The following COL23A1 variants were observed in gnomAD, a reference collection of about 807,000 sequenced individuals.
COL23A1 encodes collagen alpha-1(XXIII) chain.
In COL23A1, 97 loss-of-function variants were observed where a neutral mutation model predicts 99.3. That is an observed-to-expected ratio of 0.98 (90% CI 0.83 to 1.16). The LOEUF (loss-of-function observed/expected upper bound fraction) is 1.16, where lower values mean the gene tolerates loss of function less well. COL23A1 is among the 50% of genes most tolerant of loss of function. COL23A1 has a pLI of 0.00. For missense variants in COL23A1, 762 were observed against 757.4 expected (o/e 1.01, Z -0.07); for synonymous variants, 320 against 308.2 (o/e 1.04, Z -0.40).
chr5:178,534,923 T>C (rs1226977814), intron 2 of COL23A1, among the ~76,000 whole-genome samples: 1 of 152,134 alleles, frequency 6.6e-6, no homozygotes, highest in Admixed American at 6.5e-5. Context: ...AAAGAGGTTA[T>C]TACACATAAT....
intron 2 of COL23A1, among the ~76,000 whole-genome samples, chr5:178,495,583 A>G (rs1285177956): frequency 1.3e-5 from 2 of 152,118 alleles, no homozygotes; most frequent in East Asian, 3.9e-4. Context: ...TGCATGGAAA[A>G]CAGACTGGGA....
At chr5:178,518,612 TCAGACGATGGG>T (rs1759736400) in intron 2 of COL23A1, among the ~76,000 whole-genome samples, 3 of 106,698 alleles carry the variant, frequency 2.8e-5, no homozygotes, top group Admixed American at 9.8e-5. Flanking sequence ...TCCTCACATC[TCAGACGATGGG>T]CGGCCGGGCA....
intron 2 of COL23A1, among the ~76,000 whole-genome samples, chr5:178,484,899 T>C (rs1464217814): frequency 2.6e-5 from 4 of 151,568 alleles, no homozygotes; most frequent in Admixed American, 2.6e-4. Flanking sequence ...AAAGCCCATA[T>C]TTGTAAAGAG....
intron 2 of COL23A1, among the ~76,000 whole-genome samples, chr5:178,362,221 T>C (rs2127704952): frequency 6.6e-6 from 1 of 152,248 alleles, no homozygotes; most frequent in South Asian, 2.1e-4. Flanking sequence ...AGACACACCA[T>C]TCCCATTTCC....
chr5:178,263,359 G>T (rs1489272576), intron 8 of COL23A1, 35 bp from the exon 9 acceptor site: 3 of 1,350,704 alleles, frequency 2.2e-6, no homozygotes, highest in South Asian at 1.3e-5. Flanking sequence ...ACTCTGAGGG[G>T]GAGGGGGTCC....
At chr5:178,421,405 T>C (rs887550829) in intron 2 of COL23A1, among the ~76,000 whole-genome samples, 3 of 151,968 alleles carry the variant, frequency 2.0e-5, no homozygotes, top group African/African-American at 7.3e-5. Context: ...AAGGTGGGAG[T>C]AATTATATCT....
At chr5:178,454,396 C>T (rs376894989) in intron 2 of COL23A1, among the ~76,000 whole-genome samples, 26 of 152,248 alleles carry the variant, frequency 1.7e-4, no homozygotes, top group African/African-American at 5.3e-4. Context: ...CTGCAGGCTG[C>T]GTGCTGTCAG....
chr5:178,489,057 G>A (rs1757789269), intron 2 of COL23A1, among the ~76,000 whole-genome samples: 1 of 152,232 alleles, frequency 6.6e-6, no homozygotes, highest in Admixed American at 6.5e-5. Flanking sequence ...CTGTCGACCT[G>A]ACTGGATGGA....
intron 2 of COL23A1, among the ~76,000 whole-genome samples, chr5:178,495,480 C>T (rs1448928428): frequency 1.2e-4 from 18 of 152,132 alleles, no homozygotes. Context: ...AATGTAAGAA[C>T]ATTTAAACTT....
chr5:178,436,022 G>A (rs2127828103), intron 2 of COL23A1, among the ~76,000 whole-genome samples: 1 of 152,340 alleles, frequency 6.6e-6, no homozygotes, highest in Non-Finnish European at 1.5e-5. Context: ...TGCACAGCAA[G>A]CATGCTTAAT....
chr5:178,333,034 T>C (rs1376962912), intron 2 of COL23A1, among the ~76,000 whole-genome samples: 1 of 152,192 alleles, frequency 6.6e-6, no homozygotes, highest in South Asian at 2.1e-4. Flanking sequence ...CTTGGCTCAC[T>C]GTAACCTCCA....
rs773290744 is a variant in COL23A1, at chr5:178,263,171, C to T, written c.639+37G>A. On this transcript the variant is annotated intron_variant, in intron 9 of 28. Coordinates refer to ENST00000390654, the MANE Select transcript of COL23A1 (RefSeq NM_173465.4). ...TGGAATCAGGATTTGGGGTTTTGGT[C>T]AAGTCCTGCGTGGCCCAACTCCATG... is the stretch of plus-strand genomic sequence containing the variant. 7 of 1,487,652 alleles carry T rather than the reference C, an allele frequency of 4.7e-6. No individual in the cohort carries two copies. The African/African-American group carries it at 6.9e-5, about 15-fold the overall frequency. The allele number at this position is 1,487,652 out of a possible 1,614,324, so 92.2% of individuals were successfully genotyped here. A position where few individuals can be genotyped will look rare whatever the true frequency, so the allele number is the denominator to read the frequency against.
At chr5:178,359,608 TTAAA>T (rs1762069814) in intron 2 of COL23A1, among the ~76,000 whole-genome samples, 1 of 152,164 alleles carries the variant, frequency 6.6e-6, no homozygotes, top group African/African-American at 2.4e-5. Flanking sequence ...CCTTGTCTGG[TTAAA>T]TAAAAAGATT....
At chr5:178,260,531 A>G (rs936960236) in intron 11 of COL23A1, among the ~76,000 whole-genome samples, 2 of 152,252 alleles carry the variant, frequency 1.3e-5, no homozygotes, top group Admixed American at 1.3e-4. Flanking sequence ...ACGGTGGCTC[A>G]TGCCTGTAAT....
At chr5:178,312,864 C>T (rs1407991509) in intron 2 of COL23A1, among the ~76,000 whole-genome samples, 1 of 152,190 alleles carries the variant, frequency 6.6e-6, no homozygotes, top group Non-Finnish European at 1.5e-5. Flanking sequence ...CTACTCTTTT[C>T]TTCCTATAGA....
intron 5 of COL23A1, among the ~76,000 whole-genome samples, chr5:178,278,253 G>A (rs1004390780): frequency 1.3e-5 from 2 of 152,194 alleles, no homozygotes; most frequent in Non-Finnish European, 2.9e-5. Flanking sequence ...GCCAAGCTCT[G>A]CCCTCCTGCC....
chr5:178,304,985 G>T (rs1243406085), intron 3 of COL23A1, among the ~76,000 whole-genome samples: 1 of 152,154 alleles, frequency 6.6e-6, no homozygotes, highest in African/African-American at 2.4e-5. Flanking sequence ...AATGGATTTT[G>T]GAGTAAGCTG....
In COL23A1 at chr5:178,384,197, C is replaced by CGAGA. The variant is rs1183512252; in HGVS notation, c.362-77282_362-77279dup. 6.6e-6 allele frequency among the ~76,000 whole-genome samples: 1 copy of CGAGA among 151,612 alleles called. No homozygotes were observed. The highest frequency in any genetic ancestry group is 1.9e-4 in the East Asian group (1 of 5,176). On this transcript the variant is annotated intron_variant, in intron 2 of 28. Transcript: ENST00000390654. The surrounding 1 kb of genome is among the most constrained non-coding windows in gnomAD (Gnocchi z 5.5). Reference sequence around the variant, plus strand: ...GGCGGCACTTTTAAGATAGTGACAACGAGAGCAGCGTGGAGCCAGACGCTG... The same window carrying CGAGA: ...GGCGGCACTTTTAAGATAGTGACAACGAGAGAGAGCAGCGTGGAGCCAGACGCTG...
chr5:178,527,057 C>A (rs1016244626), intron 2 of COL23A1, among the ~76,000 whole-genome samples: 2 of 152,204 alleles, frequency 1.3e-5, no homozygotes, highest in Non-Finnish European at 2.9e-5. Context: ...CAAGCCACAT[C>A]TTGCAGGGCA....
Sources: gnomAD v4.1 joint callset for allele counts (sites outside exome capture counted in the v4.1 genomes callset) on GRCh38, gnomAD v4.1.1 for gene constraint, Gnocchi (gnomAD v3.1) non-coding constraint, MANE v1.5 for transcripts, NCBI Gene and HGNC (gene_info 2026-07-23, HGNC 2026-07-21) for gene names.